The following ST3GAL3 variants were observed in gnomAD, a reference collection of about 807,000 sequenced individuals.
ST3GAL3 encodes ST3 beta-galactoside alpha-2,3-sialyltransferase 3, also known as CMP-N-acetylneuraminate-beta-1,4-galactoside alpha-2,3-sialyltransferase.
In ST3GAL3, 21 loss-of-function variants were observed where a neutral mutation model predicts 50.1. The observed-to-expected ratio is 0.42, with a 90% CI of 0.30 to 0.60. The LOEUF (loss-of-function observed/expected upper bound fraction) is 0.60. ST3GAL3 is among the 20% of genes least tolerant of loss of function. The pLI is 0.19. For missense variants in ST3GAL3, 353 were observed against 489.4 expected (o/e 0.72, Z 2.63); for synonymous variants, 183 against 190.0 (o/e 0.96, Z 0.30).
At chr1:43,787,592 T>C (rs1389612146) in intron 2 of ST3GAL3, among the ~76,000 whole-genome samples, 4 of 152,254 alleles carry the variant, frequency 2.6e-5, no homozygotes, top group African/African-American at 9.6e-5. Context: ...TTGCCTCTTC[T>C]GAAGTTTAAA....
In ST3GAL3 at chr1:43,732,850, A is replaced by G. The variant is rs142236343; in HGVS notation, c.-30-3383A>G. Among the ~76,000 whole-genome samples, 8 of 152,334 alleles carry G rather than the reference A, an allele frequency of 5.3e-5. No individual in the cohort carries two copies. In the East Asian group the frequency reaches 1.3e-3, roughly 26 times the overall value. On this transcript the variant is annotated intron_variant, in intron 1 of 11. Transcript: ENST00000347631. ...GACTGGGCTAAGGTATATGAATATT[A>G]TAAATTTCAATAGATACTTCTAAAT...
At chr1:43,789,858 G>A (rs2057823880) in intron 2 of ST3GAL3, among the ~76,000 whole-genome samples, 2 of 146,760 alleles carry the variant, frequency 1.4e-5, no homozygotes, top group South Asian at 4.5e-4. Flanking sequence ...CAGGGGACAG[G>A]GCAAGACTCT....
chr1:43,808,950 A>T (rs1248502300), intron 3 of ST3GAL3, among the ~76,000 whole-genome samples: 1 of 152,246 alleles, frequency 6.6e-6, no homozygotes, highest in Admixed American at 6.5e-5. Context: ...CAAAATTAGT[A>T]ATAGTGCAAA....
chr1:43,773,542 G>A (rs1195417022), intron 2 of ST3GAL3, among the ~76,000 whole-genome samples: 1 of 152,102 alleles, frequency 6.6e-6, no homozygotes, highest in Non-Finnish European at 1.5e-5. Flanking sequence ...TTCCACATTT[G>A]TCCTATCTTT....
chr1:43,882,593 C>A (rs965401645), intron 5 of ST3GAL3, among the ~76,000 whole-genome samples: 6 of 152,324 alleles, frequency 3.9e-5, no homozygotes, highest in Admixed American at 3.9e-4. Context: ...ATGGCTCCAG[C>A]TGTTCTAAGC....
chr1:43,892,053 C>T lies in ST3GAL3; in HGVS notation c.303-2330C>T, dbSNP rs75552631. ...CTACCTCCCAGGTTCAAGCAACTCTCCTGCCTCAGCGTCCCAAGACGCTGG... is the reference window on the plus strand; with the variant it reads ...CTACCTCCCAGGTTCAAGCAACTCTTCTGCCTCAGCGTCCCAAGACGCTGG... On this transcript the variant is annotated intron_variant, in intron 5 of 11. Coordinates refer to ENST00000347631, the MANE Select transcript of ST3GAL3 (RefSeq NM_006279.5). Among the ~76,000 whole-genome samples the T allele has an allele frequency of 3.9e-3, 589 of 152,374 alleles. 16 individuals carry two copies. In the East Asian group the frequency reaches 0.077, roughly 20 times the overall value.
rs769032679 is a variant in ST3GAL3 at position 43,899,527 on chromosome 1, C to T, written c.558-14C>T. The T allele has an allele frequency of 3.7e-6, 6 of 1,611,174 alleles. No individual in the cohort carries two copies. The African/African-American group carries it at 5.3e-5, about 14-fold the overall frequency. ...AACACAGGCCCAGGCTCTGAGTGGG[C>T]CTGCTCTCTGTAGACTGAATTCAGC... On this transcript the variant is annotated splice_polypyrimidine_tract_variant and intron_variant, in intron 8 of 11. Transcript: ENST00000347631. The surrounding 1 kb of genome is among the most constrained non-coding windows in gnomAD (Gnocchi z 5.4).
intron 4 of ST3GAL3, chr1:43,824,807 C>T (rs2154186914): frequency 2.2e-6 from 3 of 1,352,114 alleles, no homozygotes; most frequent in Non-Finnish European, 3.2e-6. Flanking sequence ...TAAAAAATTA[C>T]TGATGCCTGC....
intron 2 of ST3GAL3, among the ~76,000 whole-genome samples, chr1:43,767,902 T>C (rs752242915): frequency 6.6e-5 from 10 of 152,092 alleles, no homozygotes; most frequent in Non-Finnish European, 1.2e-4. Context: ...AGAGGGAAGT[T>C]TGTAGACTTT....
At chr1:43,761,188 G>C (rs1462597080) in intron 2 of ST3GAL3, among the ~76,000 whole-genome samples, 1 of 152,186 alleles carries the variant, frequency 6.6e-6, no homozygotes, top group Non-Finnish European at 1.5e-5. Flanking sequence ...TCCTGTTGTT[G>C]GGGGTTTTGG....
In ST3GAL3 at chr1:43,759,065, G is replaced by GCGCACACACACACACACA. The variant is rs60386464; in HGVS notation, c.118+22686_118+22687insGCACACACACACACACAC. On this transcript the variant is annotated intron_variant, in intron 2 of 11. Transcript: ENST00000347631. ...TCCTAAAAAACAAACAAAAGCGCGCGCACACACACACACACACACACACAC... is the reference window on the plus strand; with the variant it reads ...TCCTAAAAAACAAACAAAAGCGCGCGCGCACACACACACACACACACACACACACACACACACACACAC... 2.7e-3 allele frequency among the ~76,000 whole-genome samples: 207 copies of GCGCACACACACACACACA among 75,426 alleles called. 1 individual carries two copies. Among genetic ancestry groups the GCGCACACACACACACACA allele is most frequent in the African/African-American group, 7.8e-3 (197 of 25,218 alleles). The allele number at this position is 75,426 out of a possible 152,430, so 49.5% of individuals were successfully genotyped here.
intron 2 of ST3GAL3, among the ~76,000 whole-genome samples, chr1:43,751,491 GT>G (rs1686056156): frequency 6.6e-6 from 1 of 152,176 alleles, no homozygotes; most frequent in Non-Finnish European, 1.5e-5. Flanking sequence ...ATAATGGCAT[GT>G]CCATTTGACA....
chr1:43,878,980 A>G, intron 5 of ST3GAL3: 1 of 455,674 alleles, frequency 2.2e-6, no homozygotes, highest in Non-Finnish European at 4.4e-6. Flanking sequence ...AAACAAGTGC[A>G]CATGGGAGAC....
At chr1:43,836,439 A>G (rs1398249129) in intron 4 of ST3GAL3, among the ~76,000 whole-genome samples, 1 of 152,198 alleles carries the variant, frequency 6.6e-6, no homozygotes, top group African/African-American at 2.4e-5. Flanking sequence ...TTTGTGTTCA[A>G]TGAGCAGTTA....
At position 43,856,208 on chromosome 1, in the gene ST3GAL3, G is replaced by A. The variant is rs116438381; in HGVS notation, c.302+17897G>A. Among the ~76,000 whole-genome samples, 476 of 152,270 alleles carry A rather than the reference G, an allele frequency of 3.1e-3. 1 individual carries two copies. The highest frequency in any genetic ancestry group is 4.3e-3 in the Non-Finnish European group (295 of 68,016). ...TTTCACAAATGCATGTATACAAAAA[G>A]GACATCTCTTATCAAGGAAGTTTCA... On this transcript the variant is annotated intron_variant, in intron 5 of 11. Coordinates refer to ENST00000347631, the MANE Select transcript of ST3GAL3 (RefSeq NM_006279.5).
At chr1:43,775,397 C>G (rs1043057124) in intron 2 of ST3GAL3, among the ~76,000 whole-genome samples, 1 of 152,024 alleles carries the variant, frequency 6.6e-6, no homozygotes, top group Non-Finnish European at 1.5e-5. Context: ...CAATGCCTGG[C>G]TAATGTTTGT....
chr1:43,875,929 C>A (rs868452221), intron 5 of ST3GAL3, among the ~76,000 whole-genome samples: 4 of 85,166 alleles, frequency 4.7e-5, no homozygotes, highest in Non-Finnish European at 6.9e-5. Context: ...TCTTCTTCTT[C>A]TTCTTCTTCT....
intron 3 of ST3GAL3, among the ~76,000 whole-genome samples, chr1:43,793,071 G>A (rs769705116): frequency 2.0e-5 from 3 of 152,188 alleles, no homozygotes; most frequent in East Asian, 1.9e-4. Context: ...TCAGGCAGTT[G>A]TAGTAGAGTG....
chr1:43,801,045 C>T (rs1357468611), intron 3 of ST3GAL3, among the ~76,000 whole-genome samples: 2 of 152,208 alleles, frequency 1.3e-5, no homozygotes, highest in African/African-American at 2.4e-5. Flanking sequence ...GATCTGGCAG[C>T]AGAGCTGCTT....
Sources: allele counts gnomAD v4.1 joint callset (sites outside exome capture counted in the v4.1 genomes callset), GRCh38; gene constraint gnomAD v4.1.1; non-coding constraint Gnocchi (gnomAD v3.1); transcripts MANE v1.5; gene names NCBI Gene and HGNC (gene_info 2026-07-23, HGNC 2026-07-21).